The following DYNC2I1 variants were observed in gnomAD, a reference collection of about 807,000 sequenced individuals.
The protein encoded by DYNC2I1 is dynein 2 intermediate chain 1, also known as cytoplasmic dynein 2 intermediate chain 1.
DYNC2I1 carries 89 observed loss-of-function variants against 133.4 expected under a neutral mutation model. The observed-to-expected ratio is 0.67, with a 90% CI of 0.56 to 0.80. The LOEUF (loss-of-function observed/expected upper bound fraction) is 0.80, where lower values mean the gene tolerates loss of function less well. DYNC2I1 is among the 30% of genes least tolerant of loss of function. The pLI is 0.00. For missense variants in DYNC2I1, 1,291 were observed against 1,314.5 expected, an observed-to-expected ratio of 0.98 and a Z score of 0.28; for synonymous variants, 504 against 484.3, an observed-to-expected ratio of 1.04 and a Z score of -0.54.
intron 23 of DYNC2I1, among the ~76,000 whole-genome samples, chr7:158,938,228 A>T (rs1209118416): frequency 6.6e-6 from 1 of 152,254 alleles, no homozygotes; most frequent in African/African-American, 2.4e-5. Context: ...GTGAGAGATA[A>T]GAAGCAAATA....
chr7:158,883,769 T>C (rs1844306538), intron 5 of DYNC2I1, among the ~76,000 whole-genome samples: 1 of 146,076 alleles, frequency 6.8e-6, no homozygotes. Flanking sequence ...GTTCACGCCA[T>C]TCTCCTGCCT....
At chr7:158,879,306 C>T (rs1315595210) in intron 4 of DYNC2I1, among the ~76,000 whole-genome samples, 1 of 152,016 alleles carries the variant, frequency 6.6e-6, no homozygotes, top group Non-Finnish European at 1.5e-5. Flanking sequence ...ATAAAGACAG[C>T]ACAGTCGTCC....
At chr7:158,874,362 C>T (rs1266460407) in intron 3 of DYNC2I1, among the ~76,000 whole-genome samples, 1 of 152,136 alleles carries the variant, frequency 6.6e-6, no homozygotes, top group Non-Finnish European at 1.5e-5. Flanking sequence ...CACGTGTCAC[C>T]ACGCCCTGCT....
chr7:158,936,921 A>C (rs1051091131), intron 23 of DYNC2I1, among the ~76,000 whole-genome samples: 2 of 152,196 alleles, frequency 1.3e-5, no homozygotes, highest in African/African-American at 4.8e-5. Flanking sequence ...TTCAATAAAA[A>C]CCAAAACAAG....
intron 5 of DYNC2I1, among the ~76,000 whole-genome samples, chr7:158,882,948 ATAAT>A (rs1346860309): frequency 6.6e-6 from 1 of 151,728 alleles, no homozygotes; most frequent in Non-Finnish European, 1.5e-5. Context: ...CGAGCATTGT[ATAAT>A]TAAAGATTTT....
At chr7:158,890,243 T>C (rs1056759315) in intron 7 of DYNC2I1, among the ~76,000 whole-genome samples, 2 of 152,126 alleles carry the variant, frequency 1.3e-5, no homozygotes, top group Non-Finnish European at 2.9e-5. Context: ...AAATCTAAAA[T>C]AGTATCCGTG....
intron 5 of DYNC2I1, among the ~76,000 whole-genome samples, chr7:158,881,517 G>T (rs368491170): frequency 6.6e-6 from 1 of 152,022 alleles, no homozygotes; most frequent in Admixed American, 6.6e-5. Context: ...GCAGTGGTGC[G>T]ATCTCGGCTC....
intron 2 of DYNC2I1, among the ~76,000 whole-genome samples, chr7:158,870,932 A>G (rs1842819871): frequency 6.6e-6 from 1 of 152,168 alleles, no homozygotes; most frequent in Non-Finnish European, 1.5e-5. Flanking sequence ...AGTTGTAGAA[A>G]TCTAAGCTTG....
intron 8 of DYNC2I1, among the ~76,000 whole-genome samples, chr7:158,900,935 A>G (rs550573676): frequency 1.3e-5 from 2 of 151,416 alleles, no homozygotes; most frequent in South Asian, 2.1e-4. Flanking sequence ...TCTTTCTTAG[A>G]CTTTCCATCT....
chr7:158,901,651 C>A, intron 8 of DYNC2I1, 88 bp from the exon 9 acceptor site: 1 of 823,964 alleles, frequency 1.2e-6, no homozygotes, highest in Non-Finnish European at 1.9e-6. Flanking sequence ...AAAGGAATGT[C>A]AGAAAACATA....
chr7:158,945,667 T>A lies in DYNC2I1; in HGVS notation c.3089T>A (p.Ile1030Asn). ...GTGCTGGCCAGGGCGTCTGGCTCCA[T>A]CGACATCCAGCACCTGAAGAGGCGG... is the stretch of plus-strand genomic sequence containing the variant. ...ALVLARASGS[I>N]DIQHLKRRWA... Residue 1030 changes from isoleucine to asparagine, a missense_variant, in exon 25 of 25, where the codon ATC (isoleucine) becomes AAC (asparagine). Coordinates refer to ENST00000407559, the MANE Select transcript of DYNC2I1 (RefSeq NM_018051.5). The surrounding 1 kb of genome is among the most constrained non-coding windows in gnomAD (Gnocchi z 4.1). The A allele has an allele frequency of 6.2e-7, 1 of 1,612,766 alleles. No homozygotes were observed. Among genetic ancestry groups the A allele is most frequent in the South Asian group, 1.1e-5 (1 of 90,724 alleles).
chr7:158,849,560 A>C, the DYNC2I1 span, among the ~76,000 whole-genome samples: 1 of 152,152 alleles, frequency 6.6e-6, no homozygotes, highest in Non-Finnish European at 1.5e-5. Context: ...CTTGGAGGAG[A>C]CCCACAGTGG....
At chr7:158,857,003 G>T in intron 1 of DYNC2I1, among the ~76,000 whole-genome samples, 1 of 152,060 alleles carries the variant, frequency 6.6e-6, no homozygotes, top group East Asian at 1.9e-4. Context: ...CAGGCCTGGG[G>T]TCGCCGCCGC....
intron 16 of DYNC2I1, among the ~76,000 whole-genome samples, chr7:158,923,075 G>GCCAC (rs1849255638): frequency 6.6e-6 from 1 of 152,206 alleles, no homozygotes; most frequent in Non-Finnish European, 1.5e-5. Context: ...TGAGGACTGT[G>GCCAC]CGGTGAGGGG....
At chr7:158,872,920 G>A (rs536885140) in intron 3 of DYNC2I1, among the ~76,000 whole-genome samples, 1 of 151,846 alleles carries the variant, frequency 6.6e-6, no homozygotes, top group South Asian at 2.1e-4. Flanking sequence ...GAACCCGGGA[G>A]GAGGAGGTTG....
intron 21 of DYNC2I1, among the ~76,000 whole-genome samples, chr7:158,931,097 A>G (rs1439586371): frequency 1.3e-5 from 2 of 152,214 alleles, no homozygotes; most frequent in African/African-American, 4.8e-5. Flanking sequence ...GTTCTCATGC[A>G]ACCCTGAGGT....
chr7:158,911,825 C>T, intron 12 of DYNC2I1, 146 bp downstream of exon 12: 1 of 1,105,636 alleles, frequency 9.0e-7, no homozygotes, highest in Non-Finnish European at 1.3e-6. Flanking sequence ...GGGGACCCAT[C>T]TTCACATGGG....
rs1846777775 is a variant in DYNC2I1, at chr7:158,906,080, C to T, written c.1449C>T (p.Ala483=). Residue 483 remains alanine, a synonymous_variant, in exon 11 of 25, where the codon GCC becomes GCT. Transcript: ENST00000407559. ...ACCGTCAAAAGAGTCGGACTCAGGCCCTTAAGCAAAAGTAGGTGTATTGGG... is the reference window on the plus strand; with the variant it reads ...ACCGTCAAAAGAGTCGGACTCAGGCTCTTAAGCAAAAGTAGGTGTATTGGG... ...ASHRQKSRTQ[A]LKQKMRSTKL... 1 of 1,613,388 alleles carries T rather than the reference C, an allele frequency of 6.2e-7. No individual in the cohort carries two copies. The highest frequency in any genetic ancestry group is 8.5e-7 in the Non-Finnish European group (1 of 1,179,606).
At chr7:158,925,585 G>A (rs894626649) in intron 17 of DYNC2I1, among the ~76,000 whole-genome samples, 4 of 152,166 alleles carry the variant, frequency 2.6e-5, no homozygotes. Flanking sequence ...TTCTGTAGGT[G>A]TATATTTTAG....
Sources: allele counts gnomAD v4.1 joint callset (sites outside exome capture counted in the v4.1 genomes callset), GRCh38; gene constraint gnomAD v4.1.1; non-coding constraint Gnocchi (gnomAD v3.1); transcripts MANE v1.5; gene names NCBI Gene and HGNC (gene_info 2026-07-23, HGNC 2026-07-21).